SH3RF2: variants seen among roughly 807,000 people sequenced by gnomAD.
The protein encoded by SH3RF2 is SH3 domain containing ring finger 2.
Under a neutral mutation model 59.0 loss-of-function variants are expected in SH3RF2, and 43 were observed. The observed-to-expected ratio is 0.73, with a 90% CI of 0.57 to 0.94. The LOEUF (loss-of-function observed/expected upper bound fraction) is 0.94. SH3RF2 is among the 40% of genes least tolerant of loss of function. The probability of loss-of-function intolerance (pLI) is 0.00; values close to 1 mark genes in which losing one functional copy is unlikely to be tolerated. For synonymous variants in SH3RF2, 391 were observed against 391.5 expected, an observed-to-expected ratio of 1.00 and a Z score of 0.01; for missense variants, 930 against 940.1, an observed-to-expected ratio of 0.99 and a Z score of 0.14.
intron 2 of SH3RF2, among the ~76,000 whole-genome samples, chr5:145,972,626 C>G (rs1477905394): frequency 1.3e-5 from 2 of 152,182 alleles, no homozygotes; most frequent in Non-Finnish European, 2.9e-5. Flanking sequence ...AACACTGACT[C>G]AAGAGTTGAG....
chr5:145,958,236 T>C (rs1297418456), intron 2 of SH3RF2, among the ~76,000 whole-genome samples: 1 of 152,162 alleles, frequency 6.6e-6, no homozygotes, highest in Non-Finnish European at 1.5e-5. Context: ...AACCGTAACA[T>C]CTACTTCAGA....
intron 2 of SH3RF2, among the ~76,000 whole-genome samples, chr5:145,951,201 G>A (rs921533079): frequency 1.3e-5 from 2 of 152,316 alleles, no homozygotes; most frequent in African/African-American, 2.4e-5. Context: ...AATCCACAGA[G>A]CAACACTTGT....
intron 9 of SH3RF2, 70 bp downstream of exon 9, chr5:146,060,294 G>T (rs1272014616): frequency 7.8e-6 from 11 of 1,411,088 alleles, no homozygotes; most frequent in Non-Finnish European, 1.0e-5. Flanking sequence ...TCAGCTCAGA[G>T]ATTTTAGTGT....
At chr5:145,963,335 C>T (rs575317789) in intron 2 of SH3RF2, among the ~76,000 whole-genome samples, 2 of 152,184 alleles carry the variant, frequency 1.3e-5, no homozygotes, top group African/African-American at 4.8e-5. Context: ...CTGACATAAA[C>T]CTTCCCCTTG....
intron 5 of SH3RF2, among the ~76,000 whole-genome samples, chr5:146,016,166 A>G (rs913311692): frequency 6.6e-6 from 1 of 152,186 alleles, no homozygotes; most frequent in African/African-American, 2.4e-5. Flanking sequence ...GAAAGAATTA[A>G]TTTCCTAAAG....
At chr5:146,019,887 GTTCT>G (rs145814914) in intron 5 of SH3RF2, among the ~76,000 whole-genome samples, 3,660 of 152,100 alleles carry the variant, frequency 0.024, 150 homozygotes, top group African/African-American at 0.085. Flanking sequence ...AAGGGATTGA[GTTCT>G]TTATTTGATT....
chr5:145,965,968 G>A (rs1329069850), intron 2 of SH3RF2, among the ~76,000 whole-genome samples: 2 of 152,200 alleles, frequency 1.3e-5, no homozygotes, highest in African/African-American at 2.4e-5. Context: ...GCCAACCAAA[G>A]AGTTGGGCAA....
At chr5:145,997,222 G>T in intron 2 of SH3RF2, 1 of 886,552 alleles carries the variant, frequency 1.1e-6, no homozygotes, top group Non-Finnish European at 1.9e-6. Context: ...TAGTAGATGG[G>T]AAAACTGACA....
chr5:145,994,488 C>T (rs375711376), intron 2 of SH3RF2, among the ~76,000 whole-genome samples: 36 of 152,274 alleles, frequency 2.4e-4, no homozygotes, highest in Admixed American at 7.8e-4. Context: ...ACTTACAGTT[C>T]CACATGGATG....
At chr5:146,018,685 C>T (rs2962521) in intron 5 of SH3RF2, among the ~76,000 whole-genome samples, 138,649 of 152,162 alleles carry the variant, frequency 0.91, 64,609 homozygotes, top group East Asian at 1. Flanking sequence ...GATCTATTTT[C>T]AGTTCTTTGA....
chr5:146,056,376 T>A, intron 8 of SH3RF2, 163 bp downstream of exon 8: 1 of 1,198,214 alleles, frequency 8.3e-7, no homozygotes, highest in Non-Finnish European at 1.1e-6. Flanking sequence ...TTGAATGAAG[T>A]CATACCAACT....
At position 146,049,755 on chromosome 5, in the gene SH3RF2, T is replaced by C. The variant is rs79706026; in HGVS notation, c.1322+510T>C. Among the ~76,000 whole-genome samples the C allele has an allele frequency of 1.5e-3, 222 of 152,182 alleles. 1 individual carries two copies. The highest frequency in any genetic ancestry group is 5.2e-3 in the African/African-American group (217 of 41,512). ...CCTACCTCTTCCTCCACACCCAAGATGAAATGCTAGTAACCCTGCAGGGCC... is the reference window on the plus strand; with the variant it reads ...CCTACCTCTTCCTCCACACCCAAGACGAAATGCTAGTAACCCTGCAGGGCC... On this transcript the variant is annotated intron_variant, in intron 7 of 9. Transcript: ENST00000359120.
At chr5:145,969,338 G>C (rs1266753113) in intron 2 of SH3RF2, among the ~76,000 whole-genome samples, 1 of 152,192 alleles carries the variant, frequency 6.6e-6, no homozygotes, top group Non-Finnish European at 1.5e-5. Flanking sequence ...GTGTAGAGTT[G>C]ATAGTGCAAT....
At chr5:145,955,553 A>G (rs1478331060) in intron 2 of SH3RF2, among the ~76,000 whole-genome samples, 4 of 152,212 alleles carry the variant, frequency 2.6e-5, no homozygotes, top group African/African-American at 9.7e-5. Flanking sequence ...GGAATCTAAA[A>G]TAAAAGTTGA....
At chr5:146,064,852 GAA>G (rs1157082376), downstream of SH3RF2, among the ~76,000 whole-genome samples, 131 of 20,094 alleles carry the variant, frequency 6.5e-3, 8 homozygotes, top group Non-Finnish European at 0.023. Context: ...AAGAAAGAAA[GAA>G]AGAAAGAAAG....
intron 5 of SH3RF2, among the ~76,000 whole-genome samples, chr5:146,044,775 T>C (rs751669260): frequency 1.3e-4 from 20 of 152,138 alleles, no homozygotes; most frequent in Non-Finnish European, 2.8e-4. Flanking sequence ...CATTGTCTCC[T>C]TCTCATGTCG....
At position 146,062,592 on chromosome 5, in the gene SH3RF2, G is replaced by A. The variant is rs765662968; in HGVS notation, c.2081G>A (p.Gly694Asp). 3 of 1,613,998 alleles carry A rather than the reference G, an allele frequency of 1.9e-6. No individual in the cohort carries two copies. The highest frequency in any genetic ancestry group is 4.5e-5 in the East Asian group (2 of 44,880). Residue 694 changes from glycine to aspartate, a missense_variant, in exon 10 of 10, where the codon GGC (glycine) becomes GAC (aspartate). By Grantham distance (94) the Gly-to-Asp change is moderately conservative (BLOSUM62 -1). Transcript: ENST00000359120. ...EMTVLFAHRS[G>D]CHSGQQTDLR... Reference sequence around the variant, plus strand: ...ACCGTCCTATTTGCCCACCGAAGTGGCTGCCACTCCGGACAGCAGACAGAC... The same window carrying A: ...ACCGTCCTATTTGCCCACCGAAGTGACTGCCACTCCGGACAGCAGACAGAC...
chr5:145,944,569 G>T (rs1469364983), intron 2 of SH3RF2, among the ~76,000 whole-genome samples: 1 of 151,990 alleles, frequency 6.6e-6, no homozygotes, highest in East Asian at 1.9e-4. Context: ...CCTTTCACAT[G>T]GTGAATTCTG....
intron 9 of SH3RF2, among the ~76,000 whole-genome samples, chr5:146,071,394 G>A (rs1763238097): frequency 6.6e-6 from 1 of 152,222 alleles, no homozygotes; most frequent in Non-Finnish European, 1.5e-5. Flanking sequence ...AGGAACAACA[G>A]TCAAACAGTC....
Sources: allele counts gnomAD v4.1 joint callset (sites outside exome capture counted in the v4.1 genomes callset), GRCh38; gene constraint gnomAD v4.1.1; transcripts MANE v1.5; gene names NCBI Gene and HGNC (gene_info 2026-07-23, HGNC 2026-07-21).